PPIP5K2: variants seen among roughly 807,000 people sequenced by gnomAD.
PPIP5K2 encodes inositol hexakisphosphate and diphosphoinositol-pentakisphosphate kinase 2.
PPIP5K2 carries 105 observed loss-of-function variants against 154.6 expected under a neutral mutation model. The ratio of observed to expected loss-of-function variants is 0.68; its 90% CI spans 0.58 to 0.80. PPIP5K2 has a LOEUF of 0.80. Ranked by LOEUF, PPIP5K2 falls within the 30% of genes least tolerant of loss-of-function variation. The pLI is 0.00. For missense variants in PPIP5K2, 992 were observed against 1,504.6 expected, an observed-to-expected ratio of 0.66 and a Z score of 5.64; for synonymous variants, 480 against 490.3, an observed-to-expected ratio of 0.98 and a Z score of 0.28.
In PPIP5K2 at chr5:103,211,795, G is replaced by T. The variant is rs1554232594; in HGVS notation, c.*10161G>T. On this transcript the variant is annotated 3_prime_UTR_variant, in exon 31 of 31. Transcript: ENST00000358359. ...TCCAGGGAATTTACTTTCTAATGAGGAACCAAGTGCTCAAAAGCAGTCATA... is the reference window on the plus strand; with the variant it reads ...TCCAGGGAATTTACTTTCTAATGAGTAACCAAGTGCTCAAAAGCAGTCATA... The T allele has an allele frequency of 6.6e-6, 1 of 150,810 alleles. No homozygotes were observed. The highest frequency in any genetic ancestry group is 1.5e-5 in the Non-Finnish European group (1 of 67,950). The allele number at this position is 150,810 out of a possible 1,614,324, so 9.3% of individuals were successfully genotyped here.
chr5:103,151,466 C>T (rs1794638866), intron 9 of PPIP5K2, 92 bp downstream of exon 9: 1 of 1,049,836 alleles, frequency 9.5e-7, no homozygotes, highest in Admixed American at 2.3e-5. Context: ...GGTTTTTAAG[C>T]ATTCTAGAGT....
At chr5:103,136,684 T>C (rs1554204360) in intron 3 of PPIP5K2, 48 bp from the exon 4 acceptor site, 1 of 1,443,740 alleles carries the variant, frequency 6.9e-7, no homozygotes, top group African/African-American at 1.4e-5. Flanking sequence ...AAAGTATAGA[T>C]GCTTATCTTG....
At chr5:103,140,179 C>T (rs1792316428) in intron 5 of PPIP5K2, among the ~76,000 whole-genome samples, 1 of 151,200 alleles carries the variant, frequency 6.6e-6, no homozygotes, top group Admixed American at 6.6e-5. Flanking sequence ...TTAAAAATAG[C>T]CTCAAAGGGA....
chr5:103,175,218 T>A (rs987209187), intron 21 of PPIP5K2, among the ~76,000 whole-genome samples: 2 of 152,158 alleles, frequency 1.3e-5, no homozygotes, highest in Admixed American at 1.3e-4. Flanking sequence ...ATCAATCTTA[T>A]TACTGGTCCT....
intron 27 of PPIP5K2, 54 bp downstream of exon 27, chr5:103,186,493 T>C (rs1800408694): frequency 6.2e-7 from 1 of 1,603,364 alleles, no homozygotes; most frequent in Non-Finnish European, 8.5e-7. Context: ...CACACACCCA[T>C]GAGCAGTATT....
At position 103,205,851 on chromosome 5, in the gene PPIP5K2, G is replaced by A. The variant is rs1803487453; in HGVS notation, c.*4217G>A. Reference sequence around the variant, plus strand: ...GTCAGATATTAAGATTATGACCTATGCTTTATTTTGGCTTGCATTTGCCTG... The same window carrying A: ...GTCAGATATTAAGATTATGACCTATACTTTATTTTGGCTTGCATTTGCCTG... On this transcript the variant is annotated 3_prime_UTR_variant, in exon 31 of 31. Coordinates refer to ENST00000358359, the MANE Select transcript of PPIP5K2 (RefSeq NM_001276277.3). 6.6e-6 allele frequency: 1 copy of A among 152,006 alleles called. No homozygotes were observed. The highest frequency in any genetic ancestry group is 1.9e-4 in the East Asian group (1 of 5,182). 9.4% of individuals were successfully genotyped at this position (152,006 alleles called of 1,614,324 possible).
intron 17 of PPIP5K2, among the ~76,000 whole-genome samples, chr5:103,164,916 C>T (rs1049476241): frequency 1.3e-5 from 2 of 152,050 alleles, no homozygotes; most frequent in Non-Finnish European, 2.9e-5. Flanking sequence ...AAAGGCATAA[C>T]AGGATAGTGG....
intron 5 of PPIP5K2, among the ~76,000 whole-genome samples, chr5:103,144,849 T>C (rs1472935398): frequency 4.6e-5 from 7 of 152,110 alleles, no homozygotes; most frequent in African/African-American, 1.4e-4. Context: ...GATACTGGTC[T>C]GGGCAAAAAT....
chr5:103,157,722 T>C (rs1020845662), intron 14 of PPIP5K2, among the ~76,000 whole-genome samples: 1 of 147,586 alleles, frequency 6.8e-6, no homozygotes, highest in African/African-American at 2.5e-5. Context: ...AACAAAAAAA[T>C]ATATATATCT....
rs143776400 is a variant in PPIP5K2, at chr5:103,179,324, C to T, written c.2755-697C>T. Among the ~76,000 whole-genome samples, 4 of 151,876 alleles carry T rather than the reference C, an allele frequency of 2.6e-5. No individual in the cohort carries two copies. In the South Asian group the frequency reaches 6.2e-4, roughly 24 times the overall value. On this transcript the variant is annotated intron_variant, in intron 23 of 30. Coordinates refer to ENST00000358359, the MANE Select transcript of PPIP5K2 (RefSeq NM_001276277.3). ...TAGTTGCATTTAGTTTTAGTTTGTGCGTTCTTATTGCTTTAAAATATGTGT... is the reference window on the plus strand; with the variant it reads ...TAGTTGCATTTAGTTTTAGTTTGTGTGTTCTTATTGCTTTAAAATATGTGT...
intron 25 of PPIP5K2, 82 bp downstream of exon 25, chr5:103,183,489 C>T: frequency 8.5e-7 from 1 of 1,179,560 alleles, no homozygotes; most frequent in Non-Finnish European, 1.2e-6. Flanking sequence ...CATCTAATCC[C>T]TTGTATTTCA....
At chr5:103,167,946 G>A (rs1164061532) in intron 18 of PPIP5K2, 126 bp from the exon 19 acceptor site, 1 of 594,052 alleles carries the variant, frequency 1.7e-6, no homozygotes, top group Non-Finnish European at 2.8e-6. Flanking sequence ...TATGCCTAAA[G>A]TAACTCTCTA....
chr5:103,178,074 T>A, intron 23 of PPIP5K2, 94 bp downstream of exon 23: 1 of 822,098 alleles, frequency 1.2e-6, no homozygotes, highest in Non-Finnish European at 2.0e-6. Flanking sequence ...TATAAATAAT[T>A]CTTATTTTAA....
rs528234219 is a variant in PPIP5K2 at position 103,211,047 on chromosome 5, G to C, written c.*9413G>C. 6.6e-6 allele frequency: 1 copy of C among 152,056 alleles called. No individual in the cohort carries two copies. Among genetic ancestry groups the C allele is most frequent in the Non-Finnish European group, 1.5e-5 (1 of 67,970 alleles). 9.4% of individuals were successfully genotyped at this position (152,056 alleles called of 1,614,324 possible). A position where few individuals can be genotyped will look rare whatever the true frequency, so the allele number is the denominator to read the frequency against. On this transcript the variant is annotated 3_prime_UTR_variant, in exon 31 of 31. Transcript: ENST00000358359. ...AATCTGAGTGTATAGGATGTGTTTC[G>C]TGTTCCCACTGCATATGCATTATTA...
At chr5:103,146,256 A>C (rs1214008117) in intron 5 of PPIP5K2, among the ~76,000 whole-genome samples, 1 of 152,050 alleles carries the variant, frequency 6.6e-6, no homozygotes, top group South Asian at 2.1e-4. Context: ...TTCTTGATAT[A>C]ATAATTTCAC....
Position 103,177,959 on chromosome 5 carries a change from A to T in PPIP5K2, c.2733A>T (p.Gly911=). The change falls in exon 23 of 31, where the codon GGA becomes GGT. Residue 911 remains glycine, a synonymous_variant. Coordinates refer to ENST00000358359, the MANE Select transcript of PPIP5K2 (RefSeq NM_001276277.3). ...EEDKNLPSGY[G]YRPASRENEG... ...ACAAAAATTTGCCATCTGGCTATGG[A>T]TATAGACCAGCTTCCAGAGAGGTAA... The T allele has an allele frequency of 6.2e-7, 1 of 1,605,336 alleles. No individual in the cohort carries two copies. The highest frequency in any genetic ancestry group is 2.2e-5 in the East Asian group (1 of 44,792).
intron 4 of PPIP5K2, among the ~76,000 whole-genome samples, chr5:103,137,616 C>G (rs542441165): frequency 4.6e-4 from 70 of 152,158 alleles, no homozygotes; most frequent in African/African-American, 1.6e-3. Flanking sequence ...TGTTTCACTC[C>G]TATAGCTATT....
Position 103,120,370 on chromosome 5 carries a change from A to G in PPIP5K2, c.-403A>G, listed in dbSNP as rs782743082. 4 of 456,190 alleles carry G rather than the reference A, an allele frequency of 8.8e-6. No individual in the cohort carries two copies. The highest frequency in any genetic ancestry group is 2.4e-5 in the Admixed American group (1 of 42,540). 28.3% of individuals were successfully genotyped at this position (456,190 alleles called of 1,614,324 possible). A position where few individuals can be genotyped will look rare whatever the true frequency, so the allele number is the denominator to read the frequency against. On this transcript the variant is annotated 5_prime_UTR_variant, in exon 1 of 31. Transcript: ENST00000358359. ...AAGGAAGTAGCCTACGTCCACGCCTACAACTGAAGTCTCTTGACAAACACC... is the reference window on the plus strand; with the variant it reads ...AAGGAAGTAGCCTACGTCCACGCCTGCAACTGAAGTCTCTTGACAAACACC...
intron 28 of PPIP5K2, chr5:103,189,220 T>C (rs1800848319): frequency 6.6e-7 from 1 of 1,524,730 alleles, no homozygotes; most frequent in African/African-American, 1.4e-5. Flanking sequence ...ATTTCTAGGC[T>C]CCAGTGGTAT....
Sources: allele counts gnomAD v4.1 joint callset (sites outside exome capture counted in the v4.1 genomes callset), GRCh38; gene constraint gnomAD v4.1.1; transcripts MANE v1.5; gene names NCBI Gene and HGNC (gene_info 2026-07-23, HGNC 2026-07-21).